The following PPP2R2C variants were observed in gnomAD, a reference collection of about 807,000 sequenced individuals.
The protein encoded by PPP2R2C is protein phosphatase 2 regulatory subunit Bgamma.
PPP2R2C carries 10 observed loss-of-function variants against 45.3 expected under a neutral mutation model. The observed-to-expected ratio is 0.22, with a 90% confidence interval of 0.14 to 0.37. The LOEUF (loss-of-function observed/expected upper bound fraction) is 0.37. PPP2R2C is among the 10% of genes least tolerant of loss of function. The pLI, the probability that PPP2R2C is intolerant of heterozygous loss-of-function variation, is 1.00. For synonymous variants in PPP2R2C, 257 were observed against 245.4 expected, an observed-to-expected ratio of 1.05 and a Z score of -0.44; for missense variants, 308 against 619.7, an observed-to-expected ratio of 0.50 and a Z score of 5.34.
chr4:6,332,742 A>C lies in PPP2R2C; in HGVS notation c.960+820T>G, dbSNP rs1283086728. Among the ~76,000 whole-genome samples the C allele has an allele frequency of 6.6e-6, 1 of 151,970 alleles. No homozygotes were observed. Among genetic ancestry groups the C allele is most frequent in the Non-Finnish European group, 1.5e-5 (1 of 68,008 alleles). On this transcript the variant is annotated intron_variant, in intron 7 of 8. Transcript: ENST00000382599. This position sits in a 1 kb window ranked among gnomAD's most constrained non-coding sequence, Gnocchi z 4.9. Reference sequence around the variant, plus strand: ...CTTGTCACCGGACAGTAAAGAATGGAGGTGACAGATGTCAAGCACGTGGCA... The same window carrying C: ...CTTGTCACCGGACAGTAAAGAATGGCGGTGACAGATGTCAAGCACGTGGCA...
At chr4:6,325,529 C>G (rs1292081999) in intron 8 of PPP2R2C, among the ~76,000 whole-genome samples, 1 of 152,164 alleles carries the variant, frequency 6.6e-6, no homozygotes, top group African/African-American at 2.4e-5. Context: ...CAGAATGAAC[C>G]TGGGTGATTT....
intron 2 of PPP2R2C, among the ~76,000 whole-genome samples, chr4:6,494,728 G>A (rs149326293): frequency 1.3e-5 from 2 of 152,226 alleles, no homozygotes; most frequent in African/African-American, 4.8e-5. Flanking sequence ...CTGGGACACA[G>A]GTCAGGGATG....
intron 8 of PPP2R2C, among the ~76,000 whole-genome samples, chr4:6,325,837 C>T (rs1360320008): frequency 1.3e-5 from 2 of 152,214 alleles, no homozygotes; most frequent in Non-Finnish European, 2.9e-5. Context: ...ACCACAACGC[C>T]GGCTGCTTTC....
At chr4:6,463,354 TGA>T (rs1473795859) in intron 1 of PPP2R2C, among the ~76,000 whole-genome samples, 5 of 121,546 alleles carry the variant, frequency 4.1e-5, no homozygotes, top group African/African-American at 1.6e-4. Context: ...GTCCTGGTCC[TGA>T]GGAGGGGTGG....
intron 1 of PPP2R2C, among the ~76,000 whole-genome samples, chr4:6,550,117 A>G (rs1368860571): frequency 6.6e-6 from 1 of 152,110 alleles, no homozygotes; most frequent in Non-Finnish European, 1.5e-5. Flanking sequence ...TCTCACCTCC[A>G]TGCTCACTGC....
At chr4:6,495,317 C>T (rs1722845309) in intron 2 of PPP2R2C, among the ~76,000 whole-genome samples, 1 of 152,214 alleles carries the variant, frequency 6.6e-6, no homozygotes, top group African/African-American at 2.4e-5. Flanking sequence ...GGACAGTTGG[C>T]CCCAGAACAC....
intron 5 of PPP2R2C, chr4:6,349,222 G>A (rs1257905675): frequency 1.0e-6 from 1 of 985,298 alleles, no homozygotes; most frequent in African/African-American, 1.7e-5. Flanking sequence ...ATGGGGCTTT[G>A]CACGGTCTGT....
At chr4:6,411,041 G>T (rs10937725) in intron 1 of PPP2R2C, among the ~76,000 whole-genome samples, 56,088 of 151,022 alleles carry the variant, frequency 0.37, 10,790 homozygotes, top group East Asian at 0.64. Context: ...TGGCTAATTT[G>T]TGTATTTTTT....
chr4:6,464,225 T>A (rs894386121), intron 1 of PPP2R2C, among the ~76,000 whole-genome samples: 1 of 152,260 alleles, frequency 6.6e-6, no homozygotes, highest in African/African-American at 2.4e-5. Context: ...TGAATCATAA[T>A]AATGGCTATT....
rs1715538380 is a variant in PPP2R2C, at chr4:6,378,647, C to G, written c.169-75G>C. On this transcript the variant is annotated intron_variant, in intron 2 of 8. Coordinates refer to ENST00000382599, the MANE Select transcript of PPP2R2C (RefSeq NM_020416.4). This position sits in a 1 kb window ranked among gnomAD's most constrained non-coding sequence, Gnocchi z 5.2. ...ACGGCTAGGACCTCCGGGGACCCAG[C>G]AGGGCCGGCCGTGGGACCAAGTGCC... 6.7e-7 allele frequency: 1 copy of G among 1,493,170 alleles called. No homozygotes were observed. Among genetic ancestry groups the G allele is most frequent in the African/African-American group, 1.4e-5 (1 of 71,558 alleles). 92.5% of individuals were successfully genotyped at this position (1,493,170 alleles called of 1,614,324 possible). A position where few individuals can be genotyped will look rare whatever the true frequency, so the allele number is the denominator to read the frequency against.
At chr4:6,372,819 G>C in intron 4 of PPP2R2C, 119 bp from the exon 5 acceptor site, 2 of 1,029,460 alleles carry the variant, frequency 1.9e-6, no homozygotes, top group East Asian at 4.9e-5. Flanking sequence ...CGTCCATCCT[G>C]ATCCTCCGTG....
At chr4:6,419,185 A>T (rs1411934713) in intron 1 of PPP2R2C, among the ~76,000 whole-genome samples, 3 of 152,254 alleles carry the variant, frequency 2.0e-5, no homozygotes, top group Non-Finnish European at 4.4e-5. Context: ...TGGGAGGCTG[A>T]GGCAGGCGGA....
chr4:6,455,219 A>G (rs889078935), intron 1 of PPP2R2C, among the ~76,000 whole-genome samples: 1 of 152,202 alleles, frequency 6.6e-6, no homozygotes, highest in Non-Finnish European at 1.5e-5. Context: ...TTACTCTACT[A>G]GACAACATCA....
At chr4:6,430,940 AC>A (rs1327688604) in intron 1 of PPP2R2C, among the ~76,000 whole-genome samples, 1,062 of 8,294 alleles carry the variant, frequency 0.13, 5 homozygotes, top group Middle Eastern at 0.25. Context: ...AACAACAACA[AC>A]AACAAAAAAA....
intron 1 of PPP2R2C, among the ~76,000 whole-genome samples, chr4:6,419,579 G>A (rs1178974046): frequency 2.6e-5 from 4 of 152,204 alleles, no homozygotes; most frequent in Non-Finnish European, 4.4e-5. Context: ...TTGCAAAAGA[G>A]GAGTATCAGG....
intron 1 of PPP2R2C, among the ~76,000 whole-genome samples, chr4:6,560,419 G>A (rs1473203035): frequency 1.3e-5 from 2 of 152,244 alleles, no homozygotes. Flanking sequence ...GAGTGACCAA[G>A]GACAAGCCTT....
At chr4:6,560,988 G>T (rs776817060) in intron 1 of PPP2R2C, among the ~76,000 whole-genome samples, 1 of 152,204 alleles carries the variant, frequency 6.6e-6, no homozygotes, top group East Asian at 1.9e-4. Flanking sequence ...CCCCTGGCAG[G>T]GGTCTGGGTC....
intron 2 of PPP2R2C, among the ~76,000 whole-genome samples, chr4:6,518,400 C>G (rs1389744948): frequency 1.3e-5 from 2 of 152,100 alleles, no homozygotes; most frequent in Non-Finnish European, 2.9e-5. Flanking sequence ...TAATAAGCCT[C>G]CAGCCAGGCT....
chr4:6,494,009 G>A (rs1225760941), intron 2 of PPP2R2C, among the ~76,000 whole-genome samples: 1 of 152,166 alleles, frequency 6.6e-6, no homozygotes, highest in Non-Finnish European at 1.5e-5. Flanking sequence ...ACCCAGCTTC[G>A]AGCCTGCAGC....
Sources: gnomAD v4.1 joint callset for allele counts (sites outside exome capture counted in the v4.1 genomes callset) on GRCh38, gnomAD v4.1.1 for gene constraint, Gnocchi (gnomAD v3.1) non-coding constraint, MANE v1.5 for transcripts, NCBI Gene and HGNC (gene_info 2026-07-23, HGNC 2026-07-21) for gene names.